Variants in DYNC1I2 observed in about 807,000 individuals in gnomAD.
The protein encoded by DYNC1I2 is dynein cytoplasmic 1 intermediate chain 2, also known as cytoplasmic dynein 1 intermediate chain 2.
In DYNC1I2, 53 loss-of-function variants were observed where a neutral mutation model predicts 88.6. That is an observed-to-expected ratio of 0.60 (90% CI 0.48 to 0.75). The LOEUF (loss-of-function observed/expected upper bound fraction) is 0.75, where lower values mean the gene tolerates loss of function less well. DYNC1I2 is among the 30% of genes least tolerant of loss of function. The probability of loss-of-function intolerance (pLI) is 0.00; values close to 1 mark genes in which losing one functional copy is unlikely to be tolerated. For missense variants in DYNC1I2, 458 were observed against 766.6 expected, an observed-to-expected ratio of 0.60 and a Z score of 4.75; for synonymous variants, 198 against 254.6, an observed-to-expected ratio of 0.78 and a Z score of 2.12.
Position 171,747,777 on chromosome 2 carries a change from A to T in DYNC1I2, c.1805A>T (p.Gln602Leu). 1 of 1,598,088 alleles carries T rather than the reference A, an allele frequency of 6.3e-7. No homozygotes were observed. Among genetic ancestry groups the T allele is most frequent in the Non-Finnish European group, 8.6e-7 (1 of 1,168,086 alleles). Reference sequence around the variant, plus strand: ...AAAACATTGTCTTTCTTTTAACAGCAGATTGCTGTTCCCCGCAATGATGAA... The same window carrying T: ...AAAACATTGTCTTTCTTTTAACAGCTGATTGCTGTTCCCCGCAATGATGAA... The part of the protein sequence containing the change: ...GQIVIYDVGE[Q>L]IAVPRNDEWA... The change falls in exon 18 of 18, where the codon CAG (glutamine) becomes CTG (leucine). Residue 602 changes from glutamine to leucine, a missense_variant and splice_region_variant. Coordinates refer to ENST00000397119, the MANE Select transcript of DYNC1I2 (RefSeq NM_001378.3).
Position 171,708,063 on chromosome 2 carries a change from T to TCACACACACA in DYNC1I2, c.335+687_335+688insACACACACAC, listed in dbSNP as rs67204676. The stretch of plus-strand genomic sequence containing the variant: ...GTATTACTACTTATTCCTCTTTGTC[T>TCACACACACA]CTCTCACACACACACACACACACAC... On this transcript the variant is annotated intron_variant, in intron 5 of 17. Transcript: ENST00000397119. Among the ~76,000 whole-genome samples, 400 of 147,718 alleles carry TCACACACACA rather than the reference T, an allele frequency of 2.7e-3. 3 individuals are homozygous for TCACACACACA. The highest frequency in any genetic ancestry group is 0.012 in the East Asian group (61 of 5,046).
At chr2:171,688,757 A>G (rs1327992400) in intron 1 of DYNC1I2, 3 of 152,200 alleles carry the variant, frequency 2.0e-5, no homozygotes, top group Non-Finnish European at 2.9e-5. Flanking sequence ...ACTTCTTAGT[A>G]GGTGAATTTC....
intron 15 of DYNC1I2, among the ~76,000 whole-genome samples, chr2:171,740,892 A>G (rs1004696530): frequency 2.0e-5 from 3 of 152,190 alleles, no homozygotes; most frequent in African/African-American, 7.2e-5. Flanking sequence ...AATTGCCAGT[A>G]TCTAATTTTA....
At position 171,744,581 on chromosome 2, in the gene DYNC1I2, A is replaced by G. The variant is rs1689660390; in HGVS notation, c.1677+392A>G. Among the ~76,000 whole-genome samples, 2 of 152,238 alleles carry G rather than the reference A, an allele frequency of 1.3e-5. 1 individual carries two copies. Among genetic ancestry groups the G allele is most frequent in the Admixed American group, 1.3e-4 (2 of 15,278 alleles). ...TATCTCTTAGCCTTGATAGCATTGTATATCATCCATAAACATTAATCTTAG... is the reference window on the plus strand; with the variant it reads ...TATCTCTTAGCCTTGATAGCATTGTGTATCATCCATAAACATTAATCTTAG... On this transcript the variant is annotated intron_variant, in intron 16 of 17. Transcript: ENST00000397119.
intron 15 of DYNC1I2, among the ~76,000 whole-genome samples, chr2:171,738,342 A>G (rs1382916821): frequency 6.7e-6 from 1 of 150,188 alleles, no homozygotes; most frequent in African/African-American, 2.4e-5. Context: ...CAAAAGAAAA[A>G]AAAAAGAAAA....
At chr2:171,710,528 G>C (rs1687039966) in intron 5 of DYNC1I2, among the ~76,000 whole-genome samples, 1 of 152,064 alleles carries the variant, frequency 6.6e-6, no homozygotes, top group Non-Finnish European at 1.5e-5. Flanking sequence ...ATCACTCTAA[G>C]TGCCAAGAAT....
At chr2:171,724,375 C>T (rs1375780912) in intron 7 of DYNC1I2, among the ~76,000 whole-genome samples, 2 of 152,146 alleles carry the variant, frequency 1.3e-5, no homozygotes, top group African/African-American at 4.8e-5. Flanking sequence ...CTTTAGGCCT[C>T]CTGGAGTGCT....
chr2:171,706,842 G>T (rs1377170934), intron 4 of DYNC1I2: 3 of 414,820 alleles, frequency 7.2e-6, no homozygotes, highest in East Asian at 8.0e-5. Context: ...TAAATCTTGA[G>T]AAACTAGAGA....
intron 2 of DYNC1I2, 142 bp downstream of exon 2, chr2:171,690,405 C>T (rs1225405769): frequency 1.7e-6 from 1 of 582,388 alleles, no homozygotes; most frequent in East Asian, 2.9e-5. Flanking sequence ...TTTGCACAAA[C>T]CTAATAATTT....
chr2:171,747,651 T>A, intron 17 of DYNC1I2, 125 bp from the exon 18 acceptor site: 1 of 608,336 alleles, frequency 1.6e-6, no homozygotes. Flanking sequence ...CCCGTAATTA[T>A]GGAAAGGCCA....
chr2:171,720,570 C>A (rs1467692757), intron 7 of DYNC1I2, among the ~76,000 whole-genome samples: 1 of 152,070 alleles, frequency 6.6e-6, no homozygotes, highest in Non-Finnish European at 1.5e-5. Context: ...CCCATCTGTA[C>A]TGAAAATACA....
chr2:171,706,254 A>G (rs1366970879), intron 3 of DYNC1I2, among the ~76,000 whole-genome samples: 2 of 152,162 alleles, frequency 1.3e-5, no homozygotes, highest in African/African-American at 4.8e-5. Flanking sequence ...TTAATATCAT[A>G]CACTGAAAAA....
intron 6 of DYNC1I2, among the ~76,000 whole-genome samples, chr2:171,714,231 C>CATT (rs1687326121): frequency 6.6e-6 from 1 of 151,742 alleles, no homozygotes; most frequent in African/African-American, 2.4e-5. Context: ...CTAGAAAAGA[C>CATT]ATTAAAAAAT....
chr2:171,716,728 A>T (rs1487780824), intron 7 of DYNC1I2, among the ~76,000 whole-genome samples: 1 of 152,038 alleles, frequency 6.6e-6, no homozygotes, highest in African/African-American at 2.4e-5. Context: ...CAACATGGTG[A>T]AACCTTGTCT....
chr2:171,728,156 C>T (rs966207001), intron 12 of DYNC1I2, 149 bp from the exon 13 acceptor site: 26 of 738,964 alleles, frequency 3.5e-5, no homozygotes, highest in East Asian at 1.8e-4. Context: ...CTCTCTTCTG[C>T]GACAACATTT....
chr2:171,697,361 A>C (rs1311195334), intron 3 of DYNC1I2, among the ~76,000 whole-genome samples: 1 of 151,912 alleles, frequency 6.6e-6, no homozygotes, highest in African/African-American at 2.4e-5. Flanking sequence ...CACACATACT[A>C]CTTTTTGCCT....
At chr2:171,691,762 A>G (rs2105453804) in intron 2 of DYNC1I2, among the ~76,000 whole-genome samples, 1 of 152,350 alleles carries the variant, frequency 6.6e-6, no homozygotes, top group Admixed American at 6.5e-5. Context: ...ATAACTGGCA[A>G]AAATGGGTTC....
chr2:171,717,902 CTA>C (rs1177578055), intron 7 of DYNC1I2, among the ~76,000 whole-genome samples: 1 of 151,112 alleles, frequency 6.6e-6, no homozygotes, highest in Non-Finnish European at 1.5e-5. Flanking sequence ...TATTCTGAAA[CTA>C]TTTTGAGTAA....
At position 171,728,756 on chromosome 2, in the gene DYNC1I2, G is replaced by A; in HGVS notation, c.1297G>A (p.Ala433Thr). The A allele has an allele frequency of 1.9e-6, 3 of 1,608,976 alleles. No individual in the cohort carries two copies. Among genetic ancestry groups the A allele is most frequent in the Non-Finnish European group, 1.7e-6 (2 of 1,177,996 alleles). ...GGTTCATAAACAGTCAAAAGCAGTA[G>A]CTGTGACATCTATGTCCTTCCCTGT... ...ELVHKQSKAV[A>T]VTSMSFPVGD... The change falls in exon 14 of 18, where the codon GCT becomes ACT. Residue 433 changes from alanine to threonine, a missense_variant. Transcript: ENST00000397119.
Sources: gnomAD v4.1 joint callset for allele counts (sites outside exome capture counted in the v4.1 genomes callset) on GRCh38, gnomAD v4.1.1 for gene constraint, MANE v1.5 for transcripts, NCBI Gene and HGNC (gene_info 2026-07-23, HGNC 2026-07-21) for gene names.